The following TSHR variants were observed in gnomAD, a reference collection of about 807,000 sequenced individuals.
TSHR encodes thyroid stimulating hormone receptor.
In TSHR, 51 loss-of-function variants were observed where a neutral mutation model predicts 64.1. The ratio of observed to expected loss-of-function variants is 0.80; its 90% confidence interval spans 0.64 to 1.01. The LOEUF (loss-of-function observed/expected upper bound fraction) is 1.01, where lower values mean the gene tolerates loss of function less well. TSHR is among the 50% of genes least tolerant of loss of function. The pLI, the probability that TSHR is intolerant of heterozygous loss-of-function variation, is 0.00. For missense variants in TSHR, 877 were observed against 942.8 expected (o/e 0.93, Z 0.91); for synonymous variants, 361 against 361.9 (o/e 1.00, Z 0.03).
chr14:81,114,146 C>A (rs1434186001), intron 8 of TSHR, among the ~76,000 whole-genome samples: 1 of 121,946 alleles, frequency 8.2e-6, no homozygotes, highest in Non-Finnish European at 1.8e-5. Context: ...AAAAAAAAAA[C>A]CTACAAAAAG....
chr14:81,137,272 C>A (rs557658618), intron 8 of TSHR, among the ~76,000 whole-genome samples: 153 of 152,258 alleles, frequency 1.0e-3, no homozygotes, highest in African/African-American at 3.6e-3. Flanking sequence ...GAGTGATAAA[C>A]TGCCAGTTTT....
chr14:81,133,560 C>T (rs2140091808), intron 8 of TSHR, among the ~76,000 whole-genome samples: 1 of 152,294 alleles, frequency 6.6e-6, no homozygotes, highest in South Asian at 2.1e-4. Context: ...CCAAGTACCT[C>T]CCCACTAAGC....
chr14:80,962,278 T>C (rs1887076207), intron 1 of TSHR, among the ~76,000 whole-genome samples: 1 of 152,206 alleles, frequency 6.6e-6, no homozygotes, highest in African/African-American at 2.4e-5. Flanking sequence ...TTGATGAGTG[T>C]ATATGAATTG....
At chr14:80,985,055 CCTGGCTAACAT>C (rs1343286980) in intron 1 of TSHR, among the ~76,000 whole-genome samples, 1 of 152,082 alleles carries the variant, frequency 6.6e-6, no homozygotes, top group African/African-American at 2.4e-5. Flanking sequence ...TCGAGACCAT[CCTGGCTAACAT>C]GGTGAAACCC....
chr14:81,003,119 G>A (rs1215184908), intron 1 of TSHR, among the ~76,000 whole-genome samples: 2 of 151,888 alleles, frequency 1.3e-5, no homozygotes, highest in Non-Finnish European at 2.9e-5. Context: ...AAAGACTGCT[G>A]TTTAGTTTCT....
intron 1 of TSHR, among the ~76,000 whole-genome samples, chr14:81,027,176 T>C (rs562054664): frequency 4.8e-4 from 72 of 151,534 alleles, no homozygotes; most frequent in Middle Eastern, 3.4e-3. Context: ...TAGGAAAAAA[T>C]TGTAGATCGA....
chr14:81,088,578 T>C (rs1460963004), intron 4 of TSHR, among the ~76,000 whole-genome samples: 2 of 152,226 alleles, frequency 1.3e-5, no homozygotes, highest in Non-Finnish European at 2.9e-5. Flanking sequence ...TTTTTCTCTG[T>C]TGAATCTTTA....
intron 1 of TSHR, among the ~76,000 whole-genome samples, chr14:80,972,936 A>G (rs141118224): frequency 4.5e-4 from 69 of 152,336 alleles, no homozygotes; most frequent in Non-Finnish European, 7.8e-4. Flanking sequence ...GTAGGGTGAC[A>G]AAGAGTATGG....
At chr14:80,991,276 A>G (rs1343633097) in intron 1 of TSHR, among the ~76,000 whole-genome samples, 3 of 152,156 alleles carry the variant, frequency 2.0e-5, no homozygotes, top group African/African-American at 7.2e-5. Flanking sequence ...AAGTAGGGGG[A>G]AGAATTCTTT....
At chr14:81,024,472 C>T (rs1158710521) in intron 1 of TSHR, among the ~76,000 whole-genome samples, 1 of 152,112 alleles carries the variant, frequency 6.6e-6, no homozygotes, top group Non-Finnish European at 1.5e-5. Context: ...TGGTCTCGAT[C>T]TCCTGACCTC....
At chr14:81,037,479 G>C (rs907045966) in intron 1 of TSHR, among the ~76,000 whole-genome samples, 1 of 145,646 alleles carries the variant, frequency 6.9e-6, no homozygotes, top group African/African-American at 2.5e-5. Context: ...AATGTCAAGA[G>C]TAAGTTCTTA....
intron 9 of TSHR, among the ~76,000 whole-genome samples, chr14:81,141,431 G>C (rs905340444): frequency 6.6e-6 from 1 of 152,206 alleles, no homozygotes; most frequent in Non-Finnish European, 1.5e-5. Flanking sequence ...CTTTTGTTGT[G>C]AGTCTGGTGA....
At chr14:80,997,413 G>A (rs1889080603) in intron 1 of TSHR, among the ~76,000 whole-genome samples, 1 of 152,076 alleles carries the variant, frequency 6.6e-6, no homozygotes, top group Non-Finnish European at 1.5e-5. Context: ...AAGCAATTAA[G>A]GGAACTAAAG....
chr14:81,101,784 T>A (rs926394697), intron 7 of TSHR, among the ~76,000 whole-genome samples: 3 of 151,722 alleles, frequency 2.0e-5, no homozygotes, highest in Non-Finnish European at 4.4e-5. Flanking sequence ...TGGGAGGAAA[T>A]TGGAATACCT....
intron 9 of TSHR, among the ~76,000 whole-genome samples, 154 bp from the exon 10 acceptor site, chr14:81,142,786 T>C (rs1378583684): frequency 2.6e-5 from 4 of 151,792 alleles, no homozygotes; most frequent in Admixed American, 2.6e-4. Context: ...ATGTTTGCAT[T>C]TTTTATAGAG....
chr14:81,063,226 A>G (rs961233627), intron 2 of TSHR, among the ~76,000 whole-genome samples: 1 of 151,674 alleles, frequency 6.6e-6, no homozygotes, highest in African/African-American at 2.4e-5. Flanking sequence ...TTGCTCTCTC[A>G]TTCCTCTTCT....
chr14:81,116,877 C>T (rs1890538160), intron 8 of TSHR, among the ~76,000 whole-genome samples: 1 of 148,768 alleles, frequency 6.7e-6, no homozygotes, highest in Non-Finnish European at 1.5e-5. Context: ...GATTAAGAAT[C>T]TCACTCAAAA....
chr14:81,062,279 T>C, intron 2 of TSHR, 60 bp downstream of exon 2: 1 of 1,307,404 alleles, frequency 7.6e-7, no homozygotes, highest in Non-Finnish European at 1.1e-6. Context: ...TCTAAACGTG[T>C]TCTATCAAGA....
chr14:81,096,829 C>CCT, intron 7 of TSHR, 122 bp downstream of exon 7: 1 of 1,120,884 alleles, frequency 8.9e-7, no homozygotes, highest in Non-Finnish European at 1.3e-6. Flanking sequence ...GTTAGTGTGA[C>CCT]CAACATGGAA....
Sources: gnomAD v4.1 joint callset for allele counts (sites outside exome capture counted in the v4.1 genomes callset) on GRCh38, gnomAD v4.1.1 for gene constraint, MANE v1.5 for transcripts, NCBI Gene and HGNC (gene_info 2026-07-23, HGNC 2026-07-21) for gene names.